Variants in TSPEAR observed in about 807,000 individuals in gnomAD.
The protein encoded by TSPEAR is thrombospondin-type laminin G domain and EAR repeat-containing protein.
TSPEAR carries 69 observed loss-of-function variants against 71.6 expected under a neutral mutation model. The ratio of observed to expected loss-of-function variants is 0.96; its 90% CI spans 0.79 to 1.18. The LOEUF is 1.18. Ranked by LOEUF, TSPEAR falls within the 50% of genes most tolerant of loss-of-function variation. The pLI is 0.00. For missense variants in TSPEAR, 971 were observed against 894.9 expected (o/e 1.09, Z -1.09); for synonymous variants, 402 against 387.2 (o/e 1.04, Z -0.45).
rs1349187681 is a variant in TSPEAR, at chr21:44,498,227, C to CTCAGCTT, written c.*1549_*1555dup. 2.0e-5 allele frequency: 3 copies of CTCAGCTT among 152,324 alleles called. No homozygotes were observed. Among genetic ancestry groups the CTCAGCTT allele is most frequent in the Admixed American group, 6.5e-5 (1 of 15,294 alleles). The allele number at this position is 152,324 out of a possible 1,614,324, so 9.4% of individuals were successfully genotyped here. ...AAGGGAAAGGCAGCTTCCTGCAGGA[C>CTCAGCTT]TCAGCTTTCAGCTTTTTTCTTCTTG... On this transcript the variant is annotated 3_prime_UTR_variant, in exon 12 of 12. Transcript: ENST00000323084.
intron 1 of TSPEAR, among the ~76,000 whole-genome samples, chr21:44,709,513 G>A (rs1467663518): frequency 1.3e-5 from 2 of 152,250 alleles, no homozygotes; most frequent in South Asian, 4.1e-4. Context: ...GAAAATCAAA[G>A]CAGGTTCCCC....
chr21:44,699,579 C>T (rs1276796917), intron 1 of TSPEAR, among the ~76,000 whole-genome samples: 1 of 152,094 alleles, frequency 6.6e-6, no homozygotes, highest in Non-Finnish European at 1.5e-5. Context: ...AACTGCGGTG[C>T]TCAGGTCGCT....
In TSPEAR at chr21:44,687,957, G is replaced by A. The variant is rs1986935521; in HGVS notation, c.82+23476C>T. Among the ~76,000 whole-genome samples the A allele has an allele frequency of 6.6e-6, 1 of 152,226 alleles. No homozygotes were observed. ...CTGACAGAGGCCGGCTCGGGGGTGAGTATCCGATCAAGCACAGTGAGTGAC... is the reference window on the plus strand; with the variant it reads ...CTGACAGAGGCCGGCTCGGGGGTGAATATCCGATCAAGCACAGTGAGTGAC... On this transcript the variant is annotated intron_variant, in intron 1 of 11. Coordinates refer to ENST00000323084, the MANE Select transcript of TSPEAR (RefSeq NM_144991.3). The surrounding 1 kb of genome is among the most constrained non-coding windows in gnomAD (Gnocchi z 4.4).
intron 1 of TSPEAR, among the ~76,000 whole-genome samples, chr21:44,573,041 C>T (rs1195050487): frequency 6.6e-6 from 1 of 152,096 alleles, no homozygotes; most frequent in East Asian, 1.9e-4. Context: ...CTGTCCACAC[C>T]TCGATCTCAG....
chr21:44,601,270 G>A (rs782087100), intron 1 of TSPEAR: 8 of 1,608,588 alleles, frequency 5.0e-6, no homozygotes, highest in Admixed American at 1.7e-5. Flanking sequence ...CTGCAAGCCG[G>A]CTTGCTGCAC....
chr21:44,601,989 T>C, intron 1 of TSPEAR: 1 of 600,464 alleles, frequency 1.7e-6, no homozygotes, highest in Non-Finnish European at 3.0e-6. Flanking sequence ...CAGCGGGTGC[T>C]CCCAGGCCAT....
At chr21:44,606,642 G>T (rs148261219) in intron 1 of TSPEAR, among the ~76,000 whole-genome samples, 11 of 152,304 alleles carry the variant, frequency 7.2e-5, no homozygotes, top group African/African-American at 2.6e-4. Context: ...ATTGATGAAT[G>T]GATAAAGAAA....
At chr21:44,554,583 A>G (rs1555919501) in intron 2 of TSPEAR, among the ~76,000 whole-genome samples, 2 of 152,270 alleles carry the variant, frequency 1.3e-5, no homozygotes, top group African/African-American at 4.8e-5. Context: ...CAACAGATGC[A>G]TATTCTACAT....
rs371300289 is a variant in TSPEAR, at chr21:44,708,508, A to G, written c.82+2925T>C. Reference sequence around the variant, plus strand: ...GGGCTGGGCTGGAAAACCTCCCCCAACCTCCTATTGCAAAGAGGCTCCAGC... The same window carrying G: ...GGGCTGGGCTGGAAAACCTCCCCCAGCCTCCTATTGCAAAGAGGCTCCAGC... On this transcript the variant is annotated intron_variant, in intron 1 of 11. Transcript: ENST00000323084. Among the ~76,000 whole-genome samples the G allele has an allele frequency of 6.3e-3, 961 of 151,588 alleles. 16 individuals are homozygous for G. Among genetic ancestry groups the G allele is most frequent in the African/African-American group, 0.022 (904 of 41,280 alleles).
intron 1 of TSPEAR, among the ~76,000 whole-genome samples, chr21:44,597,576 G>A (rs1980457830): frequency 1.3e-5 from 2 of 151,908 alleles, no homozygotes; most frequent in South Asian, 4.2e-4. Flanking sequence ...GAGATTACAG[G>A]TGCCCACCAC....
intron 1 of TSPEAR, among the ~76,000 whole-genome samples, chr21:44,620,996 T>C (rs1323312876): frequency 6.6e-6 from 1 of 152,246 alleles, no homozygotes. Flanking sequence ...ATTTCTAGTT[T>C]CCTTCCATTG....
intron 2 of TSPEAR, among the ~76,000 whole-genome samples, chr21:44,555,864 G>C (rs2053519298): frequency 6.6e-6 from 1 of 152,220 alleles, no homozygotes; most frequent in African/African-American, 2.4e-5. Context: ...GTGACAAGGG[G>C]CCTGTGTCCT....
intron 1 of TSPEAR, among the ~76,000 whole-genome samples, chr21:44,620,441 G>A (rs587673133): frequency 6.6e-5 from 10 of 152,242 alleles, no homozygotes; most frequent in African/African-American, 2.4e-4. Flanking sequence ...TTACATCTTG[G>A]TTATCTAATT....
rs2051976511 is a variant in TSPEAR at position 44,498,897 on chromosome 21, C to T, written c.*886G>A. 6.6e-6 allele frequency: 1 copy of T among 152,320 alleles called. No individual in the cohort carries two copies. The highest frequency in any genetic ancestry group is 1.5e-5 in the Non-Finnish European group (1 of 68,112). 9.4% of individuals were successfully genotyped at this position (152,320 alleles called of 1,614,324 possible). A position where few individuals can be genotyped will look rare whatever the true frequency, so the allele number is the denominator to read the frequency against. Reference sequence around the variant, plus strand: ...TGCGCCCATCACCCCCTCTCATCCTCACTGCCTGTGACGGACAGACAAGCA... The same window carrying T: ...TGCGCCCATCACCCCCTCTCATCCTTACTGCCTGTGACGGACAGACAAGCA... On this transcript the variant is annotated 3_prime_UTR_variant, in exon 12 of 12. Coordinates refer to ENST00000323084, the MANE Select transcript of TSPEAR (RefSeq NM_144991.3).
At chr21:44,681,504 C>A (rs1186986296) in intron 1 of TSPEAR, 3 of 291,210 alleles carry the variant, frequency 1.0e-5, no homozygotes, top group African/African-American at 6.4e-5. Context: ...GGTTTAGCAG[C>A]AAATTCTATG....
chr21:44,614,191 G>A (rs771498244), intron 1 of TSPEAR, among the ~76,000 whole-genome samples: 16 of 152,086 alleles, frequency 1.1e-4, no homozygotes, highest in African/African-American at 1.7e-4. Flanking sequence ...GACCATTCAC[G>A]ATCTGTGACG....
intron 1 of TSPEAR, among the ~76,000 whole-genome samples, chr21:44,605,834 G>A (rs587624569): frequency 3.9e-5 from 6 of 152,236 alleles, no homozygotes; most frequent in Non-Finnish European, 8.8e-5. Context: ...CATAAGACCT[G>A]AAATGTGATA....
chr21:44,654,499 G>C (rs782696072), intron 1 of TSPEAR: 57 of 1,613,582 alleles, frequency 3.5e-5, no homozygotes, highest in Non-Finnish European at 4.7e-5. Context: ...CACACAGGGG[G>C]CTGAGCAGCA....
intron 2 of TSPEAR, among the ~76,000 whole-genome samples, chr21:44,541,230 A>G (rs1354302770): frequency 1.3e-5 from 2 of 152,364 alleles, no homozygotes; most frequent in Non-Finnish European, 2.9e-5. Context: ...GCCTGGCCCA[A>G]GGAAAAGCCT....
Sources: gnomAD v4.1 joint callset for allele counts (sites outside exome capture counted in the v4.1 genomes callset) on GRCh38, gnomAD v4.1.1 for gene constraint, Gnocchi (gnomAD v3.1) non-coding constraint, MANE v1.5 for transcripts, NCBI Gene and HGNC (gene_info 2026-07-23, HGNC 2026-07-21) for gene names.